Variants in LRRIQ1 observed in about 807,000 individuals in gnomAD.
LRRIQ1 encodes the protein leucine-rich repeat- and IQ domain-containing protein 1.
Under a neutral mutation model 211.9 loss-of-function variants are expected in LRRIQ1, and 210 were observed. That is an observed-to-expected ratio of 0.99 (90% CI 0.89 to 1.11). The LOEUF (loss-of-function observed/expected upper bound fraction) is 1.11. Ranked by LOEUF, LRRIQ1 falls within the 50% of genes most tolerant of loss-of-function variation. The probability of loss-of-function intolerance (pLI) is 0.00; values close to 1 mark genes in which losing one functional copy is unlikely to be tolerated. For synonymous variants in LRRIQ1, 699 were observed against 650.1 expected (o/e 1.08, Z -1.14); for missense variants, 2,136 against 1,939.5 (o/e 1.10, Z -1.90).
chr12:85,246,715 T>C (rs139048958), downstream of LRRIQ1, among the ~76,000 whole-genome samples: 950 of 151,680 alleles, frequency 6.3e-3, 7 homozygotes, highest in African/African-American at 0.022. Flanking sequence ...ATAATATTAC[T>C]GAAAACACTA....
intron 24 of LRRIQ1, among the ~76,000 whole-genome samples, chr12:85,229,046 T>C (rs570504513): frequency 1.6e-4 from 25 of 152,306 alleles, no homozygotes; most frequent in African/African-American, 4.8e-4. Flanking sequence ...AATACTATAG[T>C]AGCTTACACA....
chr12:85,255,692 A>G (rs1215196521), intron 1 of LRRIQ1, among the ~76,000 whole-genome samples: 3 of 151,894 alleles, frequency 2.0e-5, no homozygotes, highest in Admixed American at 1.3e-4. Context: ...TCATATTTTA[A>G]GAGTCTTTTA....
At chr12:85,202,539 C>T (rs1893348417) in intron 24 of LRRIQ1, among the ~76,000 whole-genome samples, 1 of 152,036 alleles carries the variant, frequency 6.6e-6, no homozygotes. Flanking sequence ...TATGTAATGG[C>T]CTTCTTTATC....
intron 6 of LRRIQ1, among the ~76,000 whole-genome samples, chr12:85,050,903 C>T (rs1880226262): frequency 6.6e-6 from 1 of 152,152 alleles, no homozygotes; most frequent in Non-Finnish European, 1.5e-5. Context: ...GTTGTCTTTG[C>T]ATTTGTTCTC....
chr12:85,068,185 T>C (rs1882649404), intron 10 of LRRIQ1, among the ~76,000 whole-genome samples: 1 of 151,934 alleles, frequency 6.6e-6, no homozygotes. Context: ...TACTTTGATA[T>C]GGGACAGATG....
intron 24 of LRRIQ1, among the ~76,000 whole-genome samples, chr12:85,188,997 G>A (rs1433544810): frequency 1.3e-5 from 2 of 152,056 alleles, no homozygotes; most frequent in Admixed American, 1.3e-4. Flanking sequence ...TTGAACTGAC[G>A]CCTTTGGTAA....
rs554014198 is a variant in LRRIQ1 at position 85,097,244 on chromosome 12, G to T, written c.2888-1111G>T. On this transcript the variant is annotated intron_variant, in intron 11 of 26. Transcript: ENST00000393217. ...CACCTTTCTGCATGCTTAACAGGAA[G>T]TATGACCGGGAGGCCCCAGGGAACT... Among the ~76,000 whole-genome samples, 7 of 152,288 alleles carry T rather than the reference G, an allele frequency of 4.6e-5. No individual in the cohort carries two copies. In the East Asian group the frequency reaches 1.2e-3, roughly 25 times the overall value.
chr12:85,059,294 C>T (rs1369883010), intron 8 of LRRIQ1, among the ~76,000 whole-genome samples: 2 of 151,974 alleles, frequency 1.3e-5, no homozygotes, highest in Non-Finnish European at 2.9e-5. Context: ...ATCGGATCTT[C>T]GTGTTGTTCA....
intron 24 of LRRIQ1, among the ~76,000 whole-genome samples, chr12:85,177,780 T>C (rs1891782370): frequency 6.6e-6 from 1 of 152,066 alleles, no homozygotes; most frequent in Non-Finnish European, 1.5e-5. Context: ...ATGGAACATA[T>C]GGTGTGAAGG....
rs961261694 is a variant in LRRIQ1, at chr12:85,052,065, G to T, written c.679-112G>T. 8.6e-6 allele frequency: 5 copies of T among 578,932 alleles called. No individual in the cohort carries two copies. In the Admixed American group the frequency reaches 1.5e-4, roughly 18 times the overall value. The allele number at this position is 578,932 out of a possible 1,614,324, so 35.9% of individuals were successfully genotyped here. Reference sequence around the variant, plus strand: ...ACTAAAAATTGAAAGCCATTGGTTGGGTTGTCAGCTTTAACTATTGTTTAC... The same window carrying T: ...ACTAAAAATTGAAAGCCATTGGTTGTGTTGTCAGCTTTAACTATTGTTTAC... On this transcript the variant is annotated intron_variant, in intron 6 of 26. Transcript: ENST00000393217.
intron 24 of LRRIQ1, among the ~76,000 whole-genome samples, chr12:85,212,279 C>A (rs1308478662): frequency 6.6e-6 from 1 of 151,716 alleles, no homozygotes; most frequent in Admixed American, 6.6e-5. Context: ...CAAGGTAAGA[C>A]CCTGTCTCAA....
At chr12:85,203,234 C>T (rs1232162174) in intron 24 of LRRIQ1, among the ~76,000 whole-genome samples, 1 of 152,174 alleles carries the variant, frequency 6.6e-6, no homozygotes. Context: ...ACTTGCTCCT[C>T]CTTGCCTTCT....
intron 15 of LRRIQ1, among the ~76,000 whole-genome samples, chr12:85,119,900 T>C (rs1887850430): frequency 6.6e-6 from 1 of 152,192 alleles, no homozygotes; most frequent in Admixed American, 6.5e-5. Context: ...TGTTCTTTGA[T>C]ATATTGGATA....
chr12:85,212,285 C>G (rs1333956924), intron 24 of LRRIQ1, among the ~76,000 whole-genome samples: 1 of 151,184 alleles, frequency 6.6e-6, no homozygotes, highest in African/African-American at 2.4e-5. Context: ...AAGACCCTGT[C>G]TCAAAAAAAC....
At chr12:85,129,221 A>C (rs767353312) in intron 18 of LRRIQ1, among the ~76,000 whole-genome samples, 1 of 152,154 alleles carries the variant, frequency 6.6e-6, no homozygotes, top group Non-Finnish European at 1.5e-5. Flanking sequence ...TAGAAGGTAC[A>C]ACTTGTCAGG....
intron 11 of LRRIQ1, 41 bp downstream of exon 11, chr12:85,073,139 T>C: frequency 1.4e-6 from 2 of 1,456,802 alleles, no homozygotes; most frequent in South Asian, 2.5e-5. Flanking sequence ...TCTTTATGGA[T>C]TTCTAGAGGA....
intron 24 of LRRIQ1, among the ~76,000 whole-genome samples, chr12:85,199,947 G>A (rs752109340): frequency 5.3e-5 from 8 of 152,070 alleles, no homozygotes; most frequent in Non-Finnish European, 1.2e-4. Flanking sequence ...TGCCTTTGAT[G>A]TTCAGGCTCT....
intron 24 of LRRIQ1, among the ~76,000 whole-genome samples, chr12:85,217,788 A>G (rs971538496): frequency 2.9e-5 from 4 of 136,610 alleles, no homozygotes; most frequent in Non-Finnish European, 4.5e-5. Flanking sequence ...CTCTATATAT[A>G]TATGTAATGT....
At chr12:85,265,159 T>G (rs1448588767), downstream of LRRIQ1, among the ~76,000 whole-genome samples, 1 of 152,062 alleles carries the variant, frequency 6.6e-6, no homozygotes, top group Non-Finnish European at 1.5e-5. Flanking sequence ...CAAATAACAT[T>G]AAACATTTAT....
Sources: allele counts gnomAD v4.1 joint callset (sites outside exome capture counted in the v4.1 genomes callset), GRCh38; gene constraint gnomAD v4.1.1; transcripts MANE v1.5; gene names NCBI Gene and HGNC (gene_info 2026-07-23, HGNC 2026-07-21).